Variants in HID1 observed in about 807,000 individuals in gnomAD.
HID1 encodes the protein HID1 domain containing.
Under a neutral mutation model 89.7 loss-of-function variants are expected in HID1, and 42 were observed. The observed-to-expected ratio is 0.47, with a 90% confidence interval of 0.37 to 0.61. The LOEUF is 0.61. Among genes scored for constraint, HID1 ranks in the 20% least tolerant of loss-of-function variants. The pLI is 0.00. For synonymous variants in HID1, 442 were observed against 433.8 expected, an observed-to-expected ratio of 1.02 and a Z score of -0.24; for missense variants, 854 against 1,039.3, an observed-to-expected ratio of 0.82 and a Z score of 2.45.
intron 6 of HID1, 92 bp downstream of exon 6, chr17:74,961,781 C>A: frequency 2.8e-6 from 2 of 717,114 alleles, no homozygotes; most frequent in Non-Finnish European, 4.3e-6. Context: ...AGCACCTCCC[C>A]TCAAACGAGA....
chr17:74,963,907 C>A lies in HID1; in HGVS notation c.220G>T (p.Val74Phe). Residue 74 changes from valine to phenylalanine, a missense_variant, in exon 3 of 19, where the codon GTT (valine) becomes TTT (phenylalanine). Physicochemically the swap from Val to Phe is conservative, Grantham distance 50 (BLOSUM62 -1). Coordinates refer to ENST00000425042, the MANE Select transcript of HID1 (RefSeq NM_030630.3). ...TCAGCTCCCTGCACCAGCTTCTCAA[C>A]GGCCTGTGGGGGCAGGCAGGAGCAG... ...SNLATLCYKA[V>F]EKLVQGAESG... The A allele has an allele frequency of 6.2e-7, 1 of 1,613,794 alleles. No homozygotes were observed. The highest frequency in any genetic ancestry group is 8.5e-7 in the Non-Finnish European group (1 of 1,179,944).
chr17:74,958,205 G>A lies in HID1; in HGVS notation c.1407C>T (p.Ile469=), dbSNP rs200294892. The A allele has an allele frequency of 5.0e-5, 80 of 1,611,250 alleles. No individual in the cohort carries two copies. In the East Asian group the frequency reaches 1.7e-3, roughly 33 times the overall value. Residue 469 remains isoleucine (I), a synonymous_variant, in exon 12 of 19, where the codon ATC becomes ATT. Transcript: ENST00000425042. This position sits in a 1 kb window ranked among gnomAD's most constrained non-coding sequence, Gnocchi z 5.2. ...ADLLIVVFHK[I]ITSGHQRLQP... is the part of the protein sequence containing the mutation. Reference sequence around the variant, plus strand: ...GCAACCGCTGGTGCCCGCTGGTGATGATCTTGTGGAACACCTGTGCCAGGA... The same window carrying A: ...GCAACCGCTGGTGCCCGCTGGTGATAATCTTGTGGAACACCTGTGCCAGGA...
chr17:74,965,224 G>A (rs1283272030), intron 1 of HID1, among the ~76,000 whole-genome samples: 1 of 152,210 alleles, frequency 6.6e-6, no homozygotes, highest in Non-Finnish European at 1.5e-5. Context: ...GCCCTTGCCA[G>A]GGCTGCCAAC....
intron 1 of HID1, among the ~76,000 whole-genome samples, chr17:74,968,291 T>C (rs2039592653): frequency 6.8e-6 from 1 of 146,446 alleles, no homozygotes; most frequent in Non-Finnish European, 1.5e-5. Flanking sequence ...ACCTTGCCAG[T>C]AAGGCATATG....
chr17:74,955,083 C>G (rs1181382140), intron 13 of HID1: 1 of 155,564 alleles, frequency 6.4e-6, no homozygotes, highest in South Asian at 2.0e-4. Flanking sequence ...TTATGAGCAC[C>G]TTACAGATGA....
intron 1 of HID1, among the ~76,000 whole-genome samples, chr17:74,967,524 G>A (rs531606830): frequency 2.0e-5 from 3 of 151,944 alleles, no homozygotes; most frequent in Non-Finnish European, 4.4e-5. Context: ...GGGCGACAGA[G>A]TGAGACTCCG....
Position 74,951,709 on chromosome 17 carries a change from G to A in HID1, c.2304-76C>T, listed in dbSNP as rs1044020872. The A allele has an allele frequency of 7.4e-6, 11 of 1,484,838 alleles. No individual in the cohort carries two copies. The African/African-American group carries it at 1.2e-4, about 17-fold the overall frequency. The allele number at this position is 1,484,838 out of a possible 1,614,324, so 92.0% of individuals were successfully genotyped here. A position where few individuals can be genotyped will look rare whatever the true frequency, so the allele number is the denominator to read the frequency against. ...GGCACCAGGAGGAGCTGGGCAGCAGGAATGGCCAAGCCAACCCTTTCCATC... is the reference window on the plus strand; with the variant it reads ...GGCACCAGGAGGAGCTGGGCAGCAGAAATGGCCAAGCCAACCCTTTCCATC... On this transcript the variant is annotated intron_variant, in intron 18 of 18. Coordinates refer to ENST00000425042, the MANE Select transcript of HID1 (RefSeq NM_030630.3).
chr17:74,964,533 G>A lies in HID1; in HGVS notation c.166C>T (p.Arg56Trp), dbSNP rs764800847. 7 of 1,609,778 alleles carry A rather than the reference G, an allele frequency of 4.3e-6. No individual in the cohort carries two copies. The highest frequency in any genetic ancestry group is 1.6e-4 in the Middle Eastern group (1 of 6,076). ...GAGGGTGACTCTTCCCGCACGGCCCGGATCTCTGCTGCCGGCACCAGTGCA... is the reference window on the plus strand; with the variant it reads ...GAGGGTGACTCTTCCCGCACGGCCCAGATCTCTGCTGCCGGCACCAGTGCA... ...VFALVPAAEI[R>W]AVREESPSNL... The change falls in exon 2 of 19, where the codon CGG (arginine) becomes TGG (tryptophan). Residue 56 changes from arginine (R) to tryptophan (W), a missense_variant. By Grantham distance (101) the Arg-to-Trp change is moderately radical (BLOSUM62 -3). Coordinates refer to ENST00000425042, the MANE Select transcript of HID1 (RefSeq NM_030630.3).
Position 74,959,279 on chromosome 17 carries a change from T to C in HID1, c.1009-228A>G, listed in dbSNP as rs1245075357. On this transcript the variant is annotated intron_variant, in intron 8 of 18. Coordinates refer to ENST00000425042, the MANE Select transcript of HID1 (RefSeq NM_030630.3). The surrounding 1 kb of genome is among the most constrained non-coding windows in gnomAD (Gnocchi z 4.6). ...CTGGCCCCTCCACTAGACTGCAGAC[T>C]CTCTGTCCTTGGGCTGTGCGCCCCT... Among the ~76,000 whole-genome samples, 6 of 152,032 alleles carry C rather than the reference T, an allele frequency of 3.9e-5. No homozygotes were observed. The highest frequency in any genetic ancestry group is 8.8e-5 in the Non-Finnish European group (6 of 67,996).
In HID1 at chr17:74,969,887, C is replaced by T. The variant is rs370061859; in HGVS notation, c.66+2704G>A. On this transcript the variant is annotated intron_variant, in intron 1 of 18. Coordinates refer to ENST00000425042, the MANE Select transcript of HID1 (RefSeq NM_030630.3). The stretch of plus-strand genomic sequence containing the variant: ...AAGTGCTGGGATTACAGCCATGAGC[C>T]ACCACGCCTGGCCAAAATCAGATTT... Among the ~76,000 whole-genome samples, 77 of 151,922 alleles carry T rather than the reference C, an allele frequency of 5.1e-4. 1 individual carries two copies. Among genetic ancestry groups the T allele is most frequent in the East Asian group, 4.4e-3 (23 of 5,172 alleles).
In HID1 at chr17:74,972,741, C is replaced by G. The variant is rs989653979; in HGVS notation, c.-85G>C. 9.8e-6 allele frequency: 13 copies of G among 1,320,968 alleles called. 1 individual carries two copies. In the Middle Eastern group the frequency reaches 7.8e-4, roughly 80 times the overall value. 81.8% of individuals were successfully genotyped at this position (1,320,968 alleles called of 1,614,324 possible). ...GCTCCGGCTCCAGCTCCGCGGCCCC[C>G]GCGGCTCTCGCAGGAGACAAGCGGC... is the stretch of plus-strand genomic sequence containing the variant. On this transcript the variant is annotated 5_prime_UTR_variant, in exon 1 of 19. Coordinates refer to ENST00000425042, the MANE Select transcript of HID1 (RefSeq NM_030630.3). This position sits in a 1 kb window ranked among gnomAD's most constrained non-coding sequence, Gnocchi z 6.4.
At position 74,972,612 on chromosome 17, in the gene HID1, G is replaced by A; in HGVS notation, c.45C>T (p.Ile15=). The change falls in exon 1 of 19, where the codon ATC becomes ATT. Residue 15 remains isoleucine, a synonymous_variant. Coordinates refer to ENST00000425042, the MANE Select transcript of HID1 (RefSeq NM_030630.3). This position sits in a 1 kb window ranked among gnomAD's most constrained non-coding sequence, Gnocchi z 6.4. ...GCACCTGCGTCTTGGTGGTGAGCTGGATCACCGCCTTCCGGAAGTTCAGCT... is the reference window on the plus strand; with the variant it reads ...GCACCTGCGTCTTGGTGGTGAGCTGAATCACCGCCTTCCGGAAGTTCAGCT... ...DSKLNFRKAV[I]QLTTKTQPVE... is the part of the protein sequence containing the mutation. 1 of 1,548,742 alleles carries A rather than the reference G, an allele frequency of 6.5e-7. No homozygotes were observed. The highest frequency in any genetic ancestry group is 8.7e-7 in the Non-Finnish European group (1 of 1,145,630).
chr17:74,961,680 CCCCAGATTCTGTCCTGTCGAGGACT>C (rs2039481871), intron 6 of HID1, 168 bp downstream of exon 6: 1 of 364,112 alleles, frequency 2.7e-6, no homozygotes, highest in East Asian at 4.1e-5. Flanking sequence ...ACTGAGGGGC[CCCCAGATTCTGTCCTGTCGAGGACT>C]CCAAGGAGAG....
At chr17:74,966,063 GATCA>G in intron 1 of HID1, among the ~76,000 whole-genome samples, 1 of 152,000 alleles carries the variant, frequency 6.6e-6, no homozygotes, top group South Asian at 2.1e-4. Flanking sequence ...GAGGCGGGTG[GATCA>G]CAAGGTCAGG....
At chr17:74,961,039 C>G in intron 6 of HID1, among the ~76,000 whole-genome samples, 1 of 151,962 alleles carries the variant, frequency 6.6e-6, no homozygotes, top group South Asian at 2.1e-4. Flanking sequence ...ACTCCCCGAC[C>G]CGGTCTCTAA....
chr17:74,964,063 A>G (rs1462966009), intron 2 of HID1, 153 bp from the exon 3 acceptor site: 14 of 754,446 alleles, frequency 1.9e-5, no homozygotes, highest in East Asian at 2.6e-5. Context: ...CAGAGGAGCC[A>G]CCTGGAGTTG....
At chr17:74,956,053 C>T in intron 12 of HID1, 97 bp from the exon 13 acceptor site, 5 of 1,232,222 alleles carry the variant, frequency 4.1e-6, no homozygotes, top group African/African-American at 1.5e-5. Flanking sequence ...GCTCTCAATC[C>T]CTCCCTGCCC....
Position 74,972,472 on chromosome 17 carries a change from G to A in HID1, c.66+119C>T. ...GTCCCGTTCCGGCGCTGGCCTTGGC[G>A]TTACGCTCGGGGCCCGCCCGTCCCC... On this transcript the variant is annotated intron_variant, in intron 1 of 18. Coordinates refer to ENST00000425042, the MANE Select transcript of HID1 (RefSeq NM_030630.3). This position sits in a 1 kb window ranked among gnomAD's most constrained non-coding sequence, Gnocchi z 6.4. 5.1e-6 allele frequency: 5 copies of A among 980,600 alleles called. No homozygotes were observed. The South Asian group carries it at 6.5e-5, about 13-fold the overall frequency. 60.7% of individuals were successfully genotyped at this position (980,600 alleles called of 1,614,324 possible). A position where few individuals can be genotyped will look rare whatever the true frequency, so the allele number is the denominator to read the frequency against.
At chr17:74,957,625 T>A (rs1457996212) in intron 12 of HID1, among the ~76,000 whole-genome samples, 1 of 151,678 alleles carries the variant, frequency 6.6e-6, no homozygotes, top group Admixed American at 6.6e-5. Flanking sequence ...AAAGGCCAGA[T>A]GCAGTGGCTC....
Sources: allele counts gnomAD v4.1 joint callset (sites outside exome capture counted in the v4.1 genomes callset), GRCh38; gene constraint gnomAD v4.1.1; non-coding constraint Gnocchi (gnomAD v3.1); transcripts MANE v1.5; gene names NCBI Gene and HGNC (gene_info 2026-07-23, HGNC 2026-07-21).